The following NCOA2 variants were observed in gnomAD, a reference collection of about 807,000 sequenced individuals.
NCOA2 encodes the protein class E basic helix-loop-helix protein 75.
Under a neutral mutation model 145.1 loss-of-function variants are expected in NCOA2, and 21 were observed. The ratio of observed to expected loss-of-function variants is 0.14; its 90% CI spans 0.10 to 0.21. The LOEUF (loss-of-function observed/expected upper bound fraction) is 0.21. Ranked by LOEUF, NCOA2 falls within the 10% of genes least tolerant of loss-of-function variation. The pLI is 1.00. For synonymous variants in NCOA2, 619 were observed against 637.5 expected (o/e 0.97, Z 0.44); for missense variants, 1,472 against 1,837.6 (o/e 0.80, Z 3.64).
In NCOA2 at chr8:70,196,191, C is replaced by T. The variant is rs1236956209; in HGVS notation, c.259+17712G>A. Among the ~76,000 whole-genome samples, 5 of 152,214 alleles carry T rather than the reference C, an allele frequency of 3.3e-5. No homozygotes were observed. The South Asian group carries it at 1.0e-3, about 32-fold the overall frequency. On this transcript the variant is annotated intron_variant, in intron 4 of 22. Coordinates refer to ENST00000452400, the MANE Select transcript of NCOA2 (RefSeq NM_006540.4). Reference sequence around the variant, plus strand: ...AGGAGTTCGAGACCAGCCTGGACAACATGGTGAAACCCCGTCTCCACTAAA... The same window carrying T: ...AGGAGTTCGAGACCAGCCTGGACAATATGGTGAAACCCCGTCTCCACTAAA...
intron 4 of NCOA2, among the ~76,000 whole-genome samples, chr8:70,192,938 A>G (rs1816850156): frequency 6.6e-6 from 1 of 151,808 alleles, no homozygotes; most frequent in Non-Finnish European, 1.5e-5. Context: ...ATGGTGGCGC[A>G]TGTCTGTAAT....
At position 70,112,605 on chromosome 8, in the gene NCOA2, T is replaced by A. The variant is rs1157626232; in HGVS notation, c.*1027A>T. The A allele has an allele frequency of 4.9e-6, 1 of 204,616 alleles. No homozygotes were observed. Among genetic ancestry groups the A allele is most frequent in the Non-Finnish European group, 1.0e-5 (1 of 100,082 alleles). 12.7% of individuals were successfully genotyped at this position (204,616 alleles called of 1,614,324 possible). On this transcript the variant is annotated 3_prime_UTR_variant, in exon 23 of 23. Transcript: ENST00000452400. ...GCAGGTATCCTTAGCTCGATTGGTA[T>A]CAAGCCTTAACTTTGCTCTTCTCCT...
At chr8:70,144,529 T>G in intron 13 of NCOA2, 113 bp downstream of exon 13, 1 of 869,540 alleles carries the variant, frequency 1.2e-6, no homozygotes, top group Non-Finnish European at 1.8e-6. Flanking sequence ...CTTTCAGATG[T>G]TATTTTCTAA....
chr8:70,426,736 G>A, the NCOA2 span, among the ~76,000 whole-genome samples: 2 of 152,208 alleles, frequency 1.3e-5, no homozygotes, highest in Non-Finnish European at 2.9e-5. Flanking sequence ...GAGCTGAAAT[G>A]AATCAATGAG....
At chr8:70,192,924 G>A (rs930406847) in intron 4 of NCOA2, among the ~76,000 whole-genome samples, 4 of 151,794 alleles carry the variant, frequency 2.6e-5, no homozygotes, top group South Asian at 2.1e-4. Flanking sequence ...AAAATTAGCC[G>A]GGCATGGTGG....
chr8:70,343,870 T>C (rs577802095), intron 1 of NCOA2, among the ~76,000 whole-genome samples: 4 of 151,700 alleles, frequency 2.6e-5, no homozygotes, highest in African/African-American at 7.3e-5. Context: ...GAAAACATAA[T>C]CTTTCTAGAA....
the NCOA2 span, among the ~76,000 whole-genome samples, chr8:70,423,389 G>A: frequency 6.6e-6 from 1 of 152,094 alleles, no homozygotes; most frequent in African/African-American, 2.4e-5. Flanking sequence ...CACCATGTTG[G>A]TCAGGCTGGT....
chr8:70,130,137 G>A (rs77366287), intron 16 of NCOA2, among the ~76,000 whole-genome samples: 12,010 of 152,260 alleles, frequency 0.079, 567 homozygotes, highest in East Asian at 0.13. Context: ...ACACAGGGAT[G>A]GAGCCTAAGC....
At chr8:70,455,171 A>C in the NCOA2 span, among the ~76,000 whole-genome samples, 1 of 152,220 alleles carries the variant, frequency 6.6e-6, no homozygotes, top group Non-Finnish European at 1.5e-5. Flanking sequence ...AAAAACCAGG[A>C]AGTGTTAAGA....
intron 2 of NCOA2, among the ~76,000 whole-genome samples, chr8:70,271,015 C>T (rs1825006244): frequency 6.6e-6 from 1 of 152,142 alleles, no homozygotes; most frequent in South Asian, 2.1e-4. Flanking sequence ...TATGAACATA[C>T]TTTAGAATGC....
intron 7 of NCOA2, among the ~76,000 whole-genome samples, chr8:70,164,641 T>C (rs1388927218): frequency 6.6e-6 from 1 of 152,030 alleles, no homozygotes; most frequent in Non-Finnish European, 1.5e-5. Context: ...TTACAGAAAT[T>C]TTAGGATATA....
chr8:70,273,543 A>G lies in NCOA2; in HGVS notation c.-20+23201T>C, dbSNP rs529771375. 36 of 738,576 alleles carry G rather than the reference A, an allele frequency of 4.9e-5. No individual in the cohort carries two copies. In the Admixed American group the frequency reaches 6.4e-4, roughly 13 times the overall value. 45.8% of individuals were successfully genotyped at this position (738,576 alleles called of 1,614,324 possible). Reference sequence around the variant, plus strand: ...GAAATCTCTGGCATTGAAGAGGTGAATATGTTTACAAACCAAGCAACAGTG... The same window carrying G: ...GAAATCTCTGGCATTGAAGAGGTGAGTATGTTTACAAACCAAGCAACAGTG... On this transcript the variant is annotated intron_variant, in intron 2 of 22. Transcript: ENST00000452400.
chr8:70,236,685 C>T (rs893288658), intron 2 of NCOA2, among the ~76,000 whole-genome samples: 6 of 151,948 alleles, frequency 3.9e-5, no homozygotes, highest in African/African-American at 1.2e-4. Flanking sequence ...AAAAAAACAA[C>T]AATAAAAGTA....
chr8:70,326,244 G>A (rs372815921), intron 1 of NCOA2, among the ~76,000 whole-genome samples: 3 of 152,078 alleles, frequency 2.0e-5, no homozygotes, highest in South Asian at 4.2e-4. Flanking sequence ...TTATAATTAA[G>A]TCACCATCAC....
At chr8:70,384,056 G>T (rs1337144212) in intron 1 of NCOA2, among the ~76,000 whole-genome samples, 1 of 152,064 alleles carries the variant, frequency 6.6e-6, no homozygotes, top group Non-Finnish European at 1.5e-5. Context: ...TGTAAAATGT[G>T]AATTTATCTT....
intron 2 of NCOA2, among the ~76,000 whole-genome samples, chr8:70,228,205 T>C (rs923038313): frequency 6.6e-6 from 1 of 152,182 alleles, no homozygotes; most frequent in African/African-American, 2.4e-5. Context: ...TTGGTAATCA[T>C]CAAAACCAGC....
At chr8:70,198,851 G>A (rs753504797) in intron 4 of NCOA2, among the ~76,000 whole-genome samples, 2 of 152,142 alleles carry the variant, frequency 1.3e-5, no homozygotes, top group South Asian at 2.1e-4. Flanking sequence ...AGGAGAAAAC[G>A]GGTTTGGTTT....
At chr8:70,261,848 TA>T (rs1296733034) in intron 2 of NCOA2, among the ~76,000 whole-genome samples, 2 of 152,086 alleles carry the variant, frequency 1.3e-5, no homozygotes, top group Non-Finnish European at 2.9e-5. Context: ...CTCCCTTGCT[TA>T]TATGACGATA....
At chr8:70,332,196 T>C (rs1187239771) in intron 1 of NCOA2, among the ~76,000 whole-genome samples, 1 of 152,182 alleles carries the variant, frequency 6.6e-6, no homozygotes. Flanking sequence ...TACATTTTTT[T>C]AAATCTCTAG....
Sources: allele counts gnomAD v4.1 joint callset (sites outside exome capture counted in the v4.1 genomes callset), GRCh38; gene constraint gnomAD v4.1.1; transcripts MANE v1.5; gene names NCBI Gene and HGNC (gene_info 2026-07-23, HGNC 2026-07-21).